The following ALDH2 variants were observed in gnomAD, a reference collection of about 807,000 sequenced individuals.
ALDH2 encodes aldehyde dehydrogenase, mitochondrial.
ALDH2 carries 44 observed loss-of-function variants against 59.6 expected under a neutral mutation model. The observed-to-expected ratio is 0.74, with a 90% CI of 0.58 to 0.95. The LOEUF (loss-of-function observed/expected upper bound fraction) is 0.95, where lower values mean the gene tolerates loss of function less well. Ranked by LOEUF, ALDH2 falls within the 40% of genes least tolerant of loss-of-function variation. ALDH2 has a pLI of 0.00. For synonymous variants in ALDH2, 291 were observed against 284.0 expected, an observed-to-expected ratio of 1.02 and a Z score of -0.25; for missense variants, 570 against 696.3, an observed-to-expected ratio of 0.82 and a Z score of 2.04.
intron 2 of ALDH2, among the ~76,000 whole-genome samples, chr12:111,782,666 T>C (rs2068280684): frequency 1.3e-5 from 2 of 152,126 alleles, no homozygotes; most frequent in Admixed American, 1.3e-4. Context: ...GGGCAGATCA[T>C]GAGGTCAGGA....
At chr12:111,787,022 T>C (rs2068315576) in intron 4 of ALDH2, among the ~76,000 whole-genome samples, 1 of 151,948 alleles carries the variant, frequency 6.6e-6, no homozygotes, top group Non-Finnish European at 1.5e-5. Context: ...CTGGCCAACA[T>C]GGTGAAACCC....
Position 111,769,668 on chromosome 12 carries a change from G to A in ALDH2, c.114+2572G>A, listed in dbSNP as rs374700020. Among the ~76,000 whole-genome samples the A allele has an allele frequency of 4.6e-5, 7 of 151,510 alleles. No individual in the cohort carries two copies. The East Asian group carries it at 5.8e-4, about 13-fold the overall frequency. On this transcript the variant is annotated intron_variant, in intron 1 of 12. Transcript: ENST00000261733. Reference sequence around the variant, plus strand: ...GTACCTGGGTTATCATTCTGAGTACGTTCAGATCTCATTTAACCCTTTCCA... The same window carrying A: ...GTACCTGGGTTATCATTCTGAGTACATTCAGATCTCATTTAACCCTTTCCA...
At chr12:111,804,868 T>A (rs758563091) in intron 12 of ALDH2, among the ~76,000 whole-genome samples, 24 of 152,122 alleles carry the variant, frequency 1.6e-4, no homozygotes, top group Non-Finnish European at 2.9e-4. Context: ...GCATGAGATA[T>A]CAAGGCCCAT....
chr12:111,789,806 C>T lies in ALDH2; in HGVS notation c.441-17C>T, dbSNP rs190463190. 5.9e-5 allele frequency: 94 copies of T among 1,605,222 alleles called. No individual in the cohort carries two copies. The highest frequency in any genetic ancestry group is 2.7e-5 in the African/African-American group (2 of 74,838). Reference sequence around the variant, plus strand: ...TGACAATCATTGATTCGAGCTTGAACGTTTCTTTGTTTAAAGGTATTATGC... The same window carrying T: ...TGACAATCATTGATTCGAGCTTGAATGTTTCTTTGTTTAAAGGTATTATGC... On this transcript the variant is annotated splice_polypyrimidine_tract_variant and intron_variant, in intron 4 of 12. Transcript: ENST00000261733.
chr12:111,794,167 A>G (rs1394979559), intron 9 of ALDH2, among the ~76,000 whole-genome samples: 2 of 151,306 alleles, frequency 1.3e-5, no homozygotes, highest in Non-Finnish European at 2.9e-5. Context: ...TTACAGGTGC[A>G]TGCCACCATG....
rs928268840 is a variant in ALDH2 at position 111,811,194 on chromosome 12, A to C, written c.*1619A>C. On this transcript the variant is annotated 3_prime_UTR_variant, in exon 13 of 13. Coordinates refer to ENST00000261733, the MANE Select transcript of ALDH2 (RefSeq NM_000690.4). ...TCTACTGAAAATACAAAAAAAAAAA[A>C]AAAAACTAGCCGGGCATGGTGGCTC... 2.9e-4 allele frequency: 44 copies of C among 151,894 alleles called. No individual in the cohort carries two copies. The highest frequency in any genetic ancestry group is 1.0e-3 in the African/African-American group (43 of 41,422). The allele number at this position is 151,894 out of a possible 1,614,324, so 9.4% of individuals were successfully genotyped here. A position where few individuals can be genotyped will look rare whatever the true frequency, so the allele number is the denominator to read the frequency against.
At chr12:111,792,822 C>T (rs1225452439) in intron 9 of ALDH2, 40 bp downstream of exon 9, 1 of 1,526,522 alleles carries the variant, frequency 6.6e-7, no homozygotes, top group East Asian at 2.5e-5. Flanking sequence ...TGTCTAGAGC[C>T]AGCATGAGAA....
intron 12 of ALDH2, among the ~76,000 whole-genome samples, chr12:111,808,869 G>A (rs1481008796): frequency 6.6e-6 from 1 of 152,076 alleles, no homozygotes; most frequent in African/African-American, 2.4e-5. Flanking sequence ...ATATGTGACA[G>A]GAAGCCAGGA....
chr12:111,783,010 T>C, intron 2 of ALDH2, 148 bp from the exon 3 acceptor site: 1 of 960,342 alleles, frequency 1.0e-6, no homozygotes. Flanking sequence ...TCATCAGGGC[T>C]CTGCCGGGCT....
intron 9 of ALDH2, among the ~76,000 whole-genome samples, chr12:111,796,346 A>T (rs917176542): frequency 1.2e-4 from 18 of 151,586 alleles, no homozygotes; most frequent in African/African-American, 4.4e-4. Context: ...TTTTTTTTTA[A>T]AAAAAAGCAA....
At chr12:111,791,583 G>A (rs772809122) in intron 7 of ALDH2, among the ~76,000 whole-genome samples, 164 bp downstream of exon 7, 135 of 152,308 alleles carry the variant, frequency 8.9e-4, no homozygotes, top group Non-Finnish European at 6.8e-4. Context: ...TGAGCCCTTC[G>A]TGGTCTGGTT....
intron 11 of ALDH2, among the ~76,000 whole-genome samples, chr12:111,802,708 G>A (rs938243099): frequency 4.3e-4 from 65 of 149,444 alleles, no homozygotes; most frequent in African/African-American, 7.4e-4. Flanking sequence ...GTGAAACCCC[G>A]TTTCTACTAA....
chr12:111,787,124 T>G (rs2068316390), intron 4 of ALDH2, among the ~76,000 whole-genome samples: 1 of 151,984 alleles, frequency 6.6e-6, no homozygotes, highest in Admixed American at 6.6e-5. Flanking sequence ...GAGAATCACT[T>G]GAACCCAGGA....
intron 11 of ALDH2, among the ~76,000 whole-genome samples, chr12:111,800,637 T>G (rs1421449378): frequency 6.6e-6 from 1 of 152,168 alleles, no homozygotes; most frequent in Non-Finnish European, 1.5e-5. Flanking sequence ...CTCGCCATGT[T>G]GCCCAGGCTG....
chr12:111,782,880 T>C (rs551031403), intron 2 of ALDH2, among the ~76,000 whole-genome samples: 21 of 150,112 alleles, frequency 1.4e-4, no homozygotes, highest in African/African-American at 5.2e-4. Flanking sequence ...CGAGATTTCG[T>C]CTCAAAAAAA....
At chr12:111,793,446 G>A (rs1433608279) in intron 9 of ALDH2, among the ~76,000 whole-genome samples, 1 of 152,056 alleles carries the variant, frequency 6.6e-6, no homozygotes, top group Non-Finnish European at 1.5e-5. Flanking sequence ...TACAGAGGGT[G>A]CCCATATATT....
intron 4 of ALDH2, among the ~76,000 whole-genome samples, chr12:111,788,688 G>T (rs116448397): frequency 1.0e-3 from 155 of 152,198 alleles, no homozygotes; most frequent in African/African-American, 3.5e-3. Context: ...TTCTTCCAGG[G>T]TCACAAACCC....
chr12:111,780,171 G>T (rs1437266667), intron 1 of ALDH2, among the ~76,000 whole-genome samples: 1 of 152,196 alleles, frequency 6.6e-6, no homozygotes, highest in Non-Finnish European at 1.5e-5. Context: ...GGGATTACAG[G>T]CATGAACACC....
At chr12:111,777,885 A>G (rs926292845) in intron 1 of ALDH2, among the ~76,000 whole-genome samples, 6 of 152,200 alleles carry the variant, frequency 3.9e-5, no homozygotes, top group African/African-American at 1.4e-4. Flanking sequence ...ACTAACTAAT[A>G]TGAAACCACA....
Sources: allele counts gnomAD v4.1 joint callset (sites outside exome capture counted in the v4.1 genomes callset), GRCh38; gene constraint gnomAD v4.1.1; transcripts MANE v1.5; gene names NCBI Gene and HGNC (gene_info 2026-07-23, HGNC 2026-07-21).